Variants in CNTNAP2 observed in about 807,000 individuals in gnomAD.
CNTNAP2 encodes contactin associated protein 2, also known as contactin-associated protein-like 2.
CNTNAP2 carries 98 observed loss-of-function variants against 155.2 expected under a neutral mutation model. That is an observed-to-expected ratio of 0.63 (90% CI 0.54 to 0.75). CNTNAP2 has a LOEUF of 0.75. Ranked by LOEUF, CNTNAP2 falls within the 30% of genes least tolerant of loss-of-function variation. CNTNAP2 has a pLI of 0.00. For synonymous variants in CNTNAP2, 651 were observed against 631.2 expected, an observed-to-expected ratio of 1.03 and a Z score of -0.47; for missense variants, 1,727 against 1,688.1, an observed-to-expected ratio of 1.02 and a Z score of -0.40.
chr7:147,457,648 G>C (rs189307063), intron 10 of CNTNAP2, among the ~76,000 whole-genome samples: 95 of 151,850 alleles, frequency 6.3e-4, no homozygotes, highest in African/African-American at 2.1e-3. Context: ...GCATCCACGA[G>C]ATATTGGTTA....
chr7:148,265,204 C>G (rs1226904659), intron 20 of CNTNAP2, among the ~76,000 whole-genome samples: 2 of 152,268 alleles, frequency 1.3e-5, no homozygotes, highest in East Asian at 3.9e-4. Flanking sequence ...AACTGAAGAG[C>G]TTTTGCTCCA....
chr7:147,217,807 A>G (rs1249793383), intron 8 of CNTNAP2, among the ~76,000 whole-genome samples: 4 of 152,016 alleles, frequency 2.6e-5, no homozygotes, highest in South Asian at 2.1e-4. Flanking sequence ...ATTATTAATA[A>G]TTGCTTTAAT....
At chr7:148,387,469 A>G (rs1455490245) in intron 22 of CNTNAP2, among the ~76,000 whole-genome samples, 1 of 152,100 alleles carries the variant, frequency 6.6e-6, no homozygotes, top group Non-Finnish European at 1.5e-5. Flanking sequence ...ATAACATGAG[A>G]GCTCGTGAGT....
chr7:146,634,523 CAAAT>C (rs1295695567), intron 1 of CNTNAP2, among the ~76,000 whole-genome samples: 2 of 152,006 alleles, frequency 1.3e-5, no homozygotes, highest in Non-Finnish European at 2.9e-5. Flanking sequence ...GCTCTATAAA[CAAAT>C]AAAGAAATTA....
chr7:148,127,708 A>G (rs938228386), intron 16 of CNTNAP2, among the ~76,000 whole-genome samples: 3 of 152,220 alleles, frequency 2.0e-5, no homozygotes, highest in African/African-American at 7.2e-5. Context: ...AAATTGGAAC[A>G]ACTTTTTATT....
intron 21 of CNTNAP2, among the ~76,000 whole-genome samples, chr7:148,305,439 C>A (rs1180746836): frequency 2.6e-5 from 4 of 152,052 alleles, no homozygotes; most frequent in Non-Finnish European, 5.9e-5. Flanking sequence ...ACTTCTACCC[C>A]AGAGCATTCT....
chr7:148,410,205 T>C (rs1421680420), intron 23 of CNTNAP2, among the ~76,000 whole-genome samples: 3 of 152,038 alleles, frequency 2.0e-5, no homozygotes, highest in Non-Finnish European at 4.4e-5. Flanking sequence ...GACATTTCTT[T>C]ATCCCCCTCG....
At chr7:147,889,363 C>T (rs576561912) in intron 13 of CNTNAP2, among the ~76,000 whole-genome samples, 36 of 151,970 alleles carry the variant, frequency 2.4e-4, no homozygotes, top group African/African-American at 8.0e-4. Flanking sequence ...AAAAGAAAAA[C>T]TATGTGCTGT....
chr7:147,446,892 G>T (rs1797748340), intron 10 of CNTNAP2, among the ~76,000 whole-genome samples: 1 of 152,206 alleles, frequency 6.6e-6, no homozygotes, highest in South Asian at 2.1e-4. Context: ...ATCAAGGTCA[G>T]TGTGACTAAA....
chr7:147,333,625 A>G (rs1795614328), intron 9 of CNTNAP2, among the ~76,000 whole-genome samples: 1 of 152,310 alleles, frequency 6.6e-6, no homozygotes. Context: ...TAATTGACCT[A>G]GAAATAAGTA....
chr7:147,934,744 G>C (rs183019775), intron 14 of CNTNAP2, among the ~76,000 whole-genome samples: 89 of 152,336 alleles, frequency 5.8e-4, no homozygotes, highest in African/African-American at 2.1e-3. Flanking sequence ...ATAAGTCTCA[G>C]AGACTTTAAA....
intron 1 of CNTNAP2, among the ~76,000 whole-genome samples, chr7:146,566,637 C>T (rs1041017427): frequency 5.3e-5 from 8 of 151,862 alleles, no homozygotes; most frequent in South Asian, 2.1e-4. Context: ...GCGGAGGTTG[C>T]AGTGGGCCGA....
chr7:147,107,153 A>G (rs1432680998), intron 4 of CNTNAP2, among the ~76,000 whole-genome samples: 1 of 152,186 alleles, frequency 6.6e-6, no homozygotes, highest in Non-Finnish European at 1.5e-5. Context: ...AGATTTGATC[A>G]TGGTAACGAA....
intron 3 of CNTNAP2, among the ~76,000 whole-genome samples, chr7:146,884,091 G>T (rs1181909018): frequency 6.6e-6 from 1 of 151,950 alleles, no homozygotes; most frequent in African/African-American, 2.4e-5. Context: ...TTGTCCCTGG[G>T]TATATGCAGG....
chr7:147,868,403 C>T lies in CNTNAP2; in HGVS notation c.2099-35162C>T, dbSNP rs572949322. Among the ~76,000 whole-genome samples, 7 of 152,286 alleles carry T rather than the reference C, an allele frequency of 4.6e-5. No homozygotes were observed. In the South Asian group the frequency reaches 1.4e-3, roughly 32 times the overall value. The stretch of plus-strand genomic sequence containing the variant: ...TGTCGGCCCATACTGGGAGGTGTCT[C>T]CCAGTTAGGCTACACAGGGGTCAGG... On this transcript the variant is annotated intron_variant, in intron 13 of 23. Coordinates refer to ENST00000361727, the MANE Select transcript of CNTNAP2 (RefSeq NM_014141.6).
intron 9 of CNTNAP2, among the ~76,000 whole-genome samples, chr7:147,335,314 C>A (rs935929055): frequency 2.6e-5 from 4 of 152,118 alleles, no homozygotes; most frequent in Non-Finnish European, 5.9e-5. Flanking sequence ...TATTTGGTTT[C>A]TGTTTTTCTC....
At chr7:147,393,996 A>G (rs1242662073) in intron 9 of CNTNAP2, among the ~76,000 whole-genome samples, 1 of 151,994 alleles carries the variant, frequency 6.6e-6, no homozygotes, top group Non-Finnish European at 1.5e-5. Context: ...TATTTTGAAA[A>G]TGTCACTTAA....
chr7:148,410,050 CAAAA>C lies in CNTNAP2; in HGVS notation c.3796+594_3796+597del, dbSNP rs368019326. Among the ~76,000 whole-genome samples the C allele has an allele frequency of 5.5e-4, 11 of 19,834 alleles. 1 individual carries two copies. Among genetic ancestry groups the C allele is most frequent in the Admixed American group, 1.9e-3 (6 of 3,180 alleles). The allele number at this position is 19,834 out of a possible 152,430, so 13.0% of individuals were successfully genotyped here. A position where few individuals can be genotyped will look rare whatever the true frequency, so the allele number is the denominator to read the frequency against. On this transcript the variant is annotated intron_variant, in intron 23 of 23. Transcript: ENST00000361727. Reference sequence around the variant, plus strand: ...TGGGCTAAAGAGCGGGACTCCGTCTCAAAAAAAAAAAAAAAAAAGAAAGAAAGAA... The same window carrying C: ...TGGGCTAAAGAGCGGGACTCCGTCTCAAAAAAAAAAAAAAGAAAGAAAGAA...
At chr7:146,815,922 A>G (rs953723254) in intron 2 of CNTNAP2, among the ~76,000 whole-genome samples, 1 of 152,066 alleles carries the variant, frequency 6.6e-6, no homozygotes, top group South Asian at 2.1e-4. Flanking sequence ...CCCCAACCCC[A>G]CAACGGGCCC....
Sources: allele counts gnomAD v4.1 joint callset (sites outside exome capture counted in the v4.1 genomes callset), GRCh38; gene constraint gnomAD v4.1.1; transcripts MANE v1.5; gene names NCBI Gene and HGNC (gene_info 2026-07-23, HGNC 2026-07-21).